Variants in ULK4 observed in about 807,000 individuals in gnomAD.
ULK4 encodes unc-51 like kinase 4, also known as inactive serine/threonine-protein kinase ULK4.
A neutral mutation model predicts 160.6 loss-of-function variants in ULK4; 133 were observed. That is an observed-to-expected ratio of 0.83 (90% CI 0.72 to 0.96). The LOEUF (loss-of-function observed/expected upper bound fraction) is 0.96. Ranked by LOEUF, ULK4 falls within the 40% of genes least tolerant of loss-of-function variation. The probability of loss-of-function intolerance (pLI) is 0.00; values close to 1 mark genes in which losing one functional copy is unlikely to be tolerated. For missense variants in ULK4, 1,580 were observed against 1,499.5 expected, an observed-to-expected ratio of 1.05 and a Z score of -0.89; for synonymous variants, 534 against 539.8, an observed-to-expected ratio of 0.99 and a Z score of 0.15.
At chr3:41,715,396 A>C (rs979291857) in intron 24 of ULK4, 51 bp downstream of exon 24, 2 of 1,613,224 alleles carry the variant, frequency 1.2e-6, no homozygotes, top group Non-Finnish European at 1.7e-6. Context: ...GCTCCAGTTT[A>C]CAAAGAGAAG....
At chr3:41,935,401 T>A (rs576445614) in intron 4 of ULK4, among the ~76,000 whole-genome samples, 143 of 148,626 alleles carry the variant, frequency 9.6e-4, no homozygotes, top group East Asian at 7.8e-4. Context: ...TAAATTTGTA[T>A]TTTTTTTTTA....
At chr3:41,818,041 G>A (rs930932884) in intron 19 of ULK4, among the ~76,000 whole-genome samples, 17 of 149,804 alleles carry the variant, frequency 1.1e-4, no homozygotes, top group Admixed American at 8.1e-4. Context: ...GTGAAGAAAG[G>A]ACAACTCTTC....
chr3:41,582,142 T>C (rs1459132739), intron 31 of ULK4, among the ~76,000 whole-genome samples: 1 of 152,178 alleles, frequency 6.6e-6, no homozygotes, highest in African/African-American at 2.4e-5. Flanking sequence ...ACTGTTCTCA[T>C]AGTAGTGAAT....
chr3:41,538,555 G>A (rs1190928517), intron 32 of ULK4, among the ~76,000 whole-genome samples: 1 of 152,090 alleles, frequency 6.6e-6, no homozygotes, highest in African/African-American at 2.4e-5. Context: ...AAGGTTTACA[G>A]TATTACACTG....
intron 4 of ULK4, 23 bp from the exon 5 acceptor site, chr3:41,932,029 T>G: frequency 6.3e-7 from 1 of 1,598,414 alleles, no homozygotes; most frequent in Non-Finnish European, 8.5e-7. Context: ...AATAAATGTT[T>G]TCAGAAAAAA....
chr3:41,867,297 G>T (rs947702028), intron 17 of ULK4, among the ~76,000 whole-genome samples: 5 of 152,148 alleles, frequency 3.3e-5, no homozygotes, highest in Non-Finnish European at 5.9e-5. Context: ...AGCCACAAGG[G>T]CACTTACCGG....
In ULK4 at chr3:41,337,192, T is replaced by C. The variant is rs985782169; in HGVS notation, c.3678+60887A>G. ...CAAATTATGATGATTGCATTTTATA[T>C]TGAATTTTATATTTCTGGCTGCAAA... On this transcript the variant is annotated intron_variant, in intron 35 of 36. Coordinates refer to ENST00000301831, the MANE Select transcript of ULK4 (RefSeq NM_017886.4). Among the ~76,000 whole-genome samples, 14 of 152,240 alleles carry C rather than the reference T, an allele frequency of 9.2e-5. No individual in the cohort carries two copies. In the South Asian group the frequency reaches 2.9e-3, roughly 31 times the overall value.
At chr3:41,537,835 T>C (rs565544457) in intron 32 of ULK4, among the ~76,000 whole-genome samples, 7 of 152,136 alleles carry the variant, frequency 4.6e-5, no homozygotes, top group African/African-American at 1.4e-4. Context: ...TAACAATATT[T>C]CCACAAAACA....
chr3:41,541,912 T>C (rs116990963), intron 32 of ULK4, among the ~76,000 whole-genome samples: 371 of 152,332 alleles, frequency 2.4e-3, no homozygotes, highest in East Asian at 0.013. Flanking sequence ...TTAACTAGAC[T>C]TTGGGCTGAG....
At chr3:41,569,196 T>C (rs1795344) in intron 31 of ULK4, among the ~76,000 whole-genome samples, 84,971 of 151,868 alleles carry the variant, frequency 0.56, 26,456 homozygotes, top group Admixed American at 0.7. Flanking sequence ...TTTATGGAAG[T>C]TTTGTTATGT....
At chr3:41,831,531 A>ATATATATATATATTTTTTTTTTT in intron 18 of ULK4, among the ~76,000 whole-genome samples, 46 of 138,104 alleles carry the variant, frequency 3.3e-4, no homozygotes, top group African/African-American at 1.3e-3. Context: ...ATATATATAT[A>ATATATATATATATTTTTTTTTTT]TTTTTTTTTC....
chr3:41,717,942 T>C, intron 22 of ULK4, 81 bp from the exon 23 acceptor site: 1 of 1,520,430 alleles, frequency 6.6e-7, no homozygotes, highest in South Asian at 1.2e-5. Context: ...CCAAGGCAAG[T>C]GTTTCCAGAG....
At chr3:41,478,681 A>G (rs984728699) in intron 32 of ULK4, among the ~76,000 whole-genome samples, 2 of 152,206 alleles carry the variant, frequency 1.3e-5, no homozygotes, top group African/African-American at 4.8e-5. Context: ...CCCTGAAAGG[A>G]GAAGTTTAAC....
chr3:41,834,026 AAG>A (rs1419786257), intron 18 of ULK4, among the ~76,000 whole-genome samples: 7 of 151,500 alleles, frequency 4.6e-5, no homozygotes, highest in Non-Finnish European at 1.0e-4. Context: ...CTGTAAATAT[AAG>A]AAATTATATT....
At chr3:41,542,560 T>G (rs2086732023) in intron 32 of ULK4, among the ~76,000 whole-genome samples, 1 of 152,318 alleles carries the variant, frequency 6.6e-6, no homozygotes, top group African/African-American at 2.4e-5. Flanking sequence ...GGATTCTCTC[T>G]TTTTCTATTG....
chr3:41,604,233 G>A (rs1349627303), intron 31 of ULK4, among the ~76,000 whole-genome samples: 1 of 152,110 alleles, frequency 6.6e-6, no homozygotes, highest in African/African-American at 2.4e-5. Flanking sequence ...GGAAGGGAAA[G>A]AGAGAGATGA....
At chr3:41,626,720 G>A (rs1483276573) in intron 30 of ULK4, among the ~76,000 whole-genome samples, 1 of 151,800 alleles carries the variant, frequency 6.6e-6, no homozygotes, top group Non-Finnish European at 1.5e-5. Flanking sequence ...TAGAGACGGG[G>A]TTTCACCATG....
At chr3:41,749,642 G>A (rs2038548327) in intron 22 of ULK4, among the ~76,000 whole-genome samples, 1 of 152,034 alleles carries the variant, frequency 6.6e-6, no homozygotes, top group Non-Finnish European at 1.5e-5. Context: ...ACTTATGATG[G>A]GTTTATTGAA....
chr3:41,313,397 G>A (rs533962703), intron 35 of ULK4, among the ~76,000 whole-genome samples: 2 of 152,314 alleles, frequency 1.3e-5, no homozygotes, highest in African/African-American at 2.4e-5. Context: ...AATGTTAGCT[G>A]TTATTCCTAT....
Sources: allele counts gnomAD v4.1 joint callset (sites outside exome capture counted in the v4.1 genomes callset), GRCh38; gene constraint gnomAD v4.1.1; transcripts MANE v1.5; gene names NCBI Gene and HGNC (gene_info 2026-07-23, HGNC 2026-07-21).